DYNC1I1: variants seen among roughly 807,000 people sequenced by gnomAD.
DYNC1I1 encodes the protein cytoplasmic dynein 1 intermediate chain 1.
A neutral mutation model predicts 86.6 loss-of-function variants in DYNC1I1; 43 were observed. That is an observed-to-expected ratio of 0.50 (90% CI 0.39 to 0.64). The LOEUF is 0.64. Ranked by LOEUF, DYNC1I1 falls within the 30% of genes least tolerant of loss-of-function variation. The pLI is 0.00. For missense variants in DYNC1I1, 604 were observed against 788.8 expected, an observed-to-expected ratio of 0.77 and a Z score of 2.81; for synonymous variants, 262 against 283.7, an observed-to-expected ratio of 0.92 and a Z score of 0.77.
intron 7 of DYNC1I1, among the ~76,000 whole-genome samples, chr7:95,978,914 G>A (rs1793381282): frequency 6.6e-6 from 1 of 152,016 alleles, no homozygotes; most frequent in Non-Finnish European, 1.5e-5. Context: ...TCCTGCCTTA[G>A]CATCCCGAGT....
Position 96,045,334 on chromosome 7 carries a change from G to A in DYNC1I1, c.1509+5913G>A, listed in dbSNP as rs1459570633. ...ATGTGTATAGCTGAAGTCTAGTGAG[G>A]GTGGAATTCACTGCAAATGAGGACG... On this transcript the variant is annotated intron_variant, in intron 14 of 16. Coordinates refer to ENST00000447467, the MANE Select transcript of DYNC1I1 (RefSeq NM_001135556.2). Among the ~76,000 whole-genome samples the A allele has an allele frequency of 2.0e-5, 3 of 152,134 alleles. No individual in the cohort carries two copies. The East Asian group carries it at 5.8e-4, about 29-fold the overall frequency.
chr7:96,032,647 C>T lies in DYNC1I1; in HGVS notation c.1117-20C>T, dbSNP rs1392818473. On this transcript the variant is annotated intron_variant, in intron 11 of 16. Transcript: ENST00000447467. Reference sequence around the variant, plus strand: ...TCCTCTTGGATCTGTCTCTGATCCTCTTTGTTTATGTTTTTGCAGCATCCC... The same window carrying T: ...TCCTCTTGGATCTGTCTCTGATCCTTTTTGTTTATGTTTTTGCAGCATCCC... 3 of 1,586,028 alleles carry T rather than the reference C, an allele frequency of 1.9e-6. No individual in the cohort carries two copies. In the South Asian group the frequency reaches 3.3e-5, roughly 18 times the overall value.
intron 5 of DYNC1I1, among the ~76,000 whole-genome samples, chr7:95,869,538 A>G (rs1393775558): frequency 6.6e-6 from 1 of 152,072 alleles, no homozygotes; most frequent in Non-Finnish European, 1.5e-5. Context: ...CTAAGAGACT[A>G]GAATCCTGTA....
rs77440379 is a variant in DYNC1I1, at chr7:95,853,850, A to C, written c.375-16033A>C. ...CATGTCAGGTCCATATACATTTATAAATGTTATGGATATAACAACTGTGGA... is the reference window on the plus strand; with the variant it reads ...CATGTCAGGTCCATATACATTTATACATGTTATGGATATAACAACTGTGGA... On this transcript the variant is annotated intron_variant, in intron 5 of 16. Coordinates refer to ENST00000447467, the MANE Select transcript of DYNC1I1 (RefSeq NM_001135556.2). Among the ~76,000 whole-genome samples the C allele has an allele frequency of 9.7e-4, 147 of 152,308 alleles. 1 individual carries two copies. Among genetic ancestry groups the C allele is most frequent in the Non-Finnish European group, 1.5e-3 (99 of 68,022 alleles).
At chr7:95,965,805 A>G (rs1468892756) in intron 6 of DYNC1I1, among the ~76,000 whole-genome samples, 2 of 152,184 alleles carry the variant, frequency 1.3e-5, no homozygotes, top group Non-Finnish European at 2.9e-5. Context: ...CTGAGGAATC[A>G]ACCCAAAATT....
intron 5 of DYNC1I1, among the ~76,000 whole-genome samples, chr7:95,865,121 C>G (rs2633933): frequency 0.98 from 148,896 of 152,158 alleles, 72,938 homozygotes; most frequent in Middle Eastern, 1. Context: ...TGGGGTCAGG[C>G]ACCACACTTT....
chr7:95,938,509 T>G (rs1015838276), intron 6 of DYNC1I1, among the ~76,000 whole-genome samples: 1 of 152,180 alleles, frequency 6.6e-6, no homozygotes, highest in African/African-American at 2.4e-5. Flanking sequence ...AATCTTTTTA[T>G]TGTAATATCC....
At chr7:96,003,715 G>C (rs527692204) in intron 10 of DYNC1I1, among the ~76,000 whole-genome samples, 30 of 152,100 alleles carry the variant, frequency 2.0e-4, no homozygotes, top group Admixed American at 7.9e-4. Flanking sequence ...GTGGGCTGTA[G>C]TTGCCCCAGG....
chr7:95,893,996 C>T (rs1790810498), intron 6 of DYNC1I1, among the ~76,000 whole-genome samples: 1 of 152,108 alleles, frequency 6.6e-6, no homozygotes, highest in Non-Finnish European at 1.5e-5. Flanking sequence ...CTTTCCCAAA[C>T]AATGAGAATC....
At chr7:95,797,215 G>A (rs1006896681) in intron 1 of DYNC1I1, among the ~76,000 whole-genome samples, 2 of 151,718 alleles carry the variant, frequency 1.3e-5, no homozygotes, top group Non-Finnish European at 2.9e-5. Context: ...CTAAACTAGC[G>A]GCCTTAAAAA....
intron 6 of DYNC1I1, among the ~76,000 whole-genome samples, chr7:95,931,149 C>CT (rs1012263184): frequency 8.9e-4 from 130 of 146,034 alleles, no homozygotes; most frequent in Middle Eastern, 3.6e-3. Flanking sequence ...CTCATGAATA[C>CT]TTTTTTTTTT....
chr7:96,105,540 A>C (rs1254058729), intron 16 of DYNC1I1, among the ~76,000 whole-genome samples: 1 of 152,110 alleles, frequency 6.6e-6, no homozygotes, highest in Non-Finnish European at 1.5e-5. Context: ...TTAACATATC[A>C]CTAGACTTTA....
chr7:96,100,310 T>TCTTCCTCC (rs549971674), downstream of DYNC1I1, among the ~76,000 whole-genome samples: 638 of 152,064 alleles, frequency 4.2e-3, 2 homozygotes, highest in African/African-American at 0.014. Context: ...GACTTTCTTC[T>TCTTCCTCC]CTTCCTCCCT....
intron 16 of DYNC1I1, among the ~76,000 whole-genome samples, chr7:96,106,551 A>G (rs560955701): frequency 3.3e-5 from 5 of 152,284 alleles, no homozygotes; most frequent in South Asian, 2.1e-4. Flanking sequence ...AAAGAAAAAA[A>G]AGAGAGAGAG....
chr7:95,995,570 C>T (rs571439424), intron 9 of DYNC1I1, among the ~76,000 whole-genome samples: 1 of 152,232 alleles, frequency 6.6e-6, no homozygotes, highest in South Asian at 2.1e-4. Context: ...GAGAATAGCC[C>T]TCCTTGGAAT....
At chr7:95,942,675 T>A (rs1792265686) in intron 6 of DYNC1I1, among the ~76,000 whole-genome samples, 2 of 150,544 alleles carry the variant, frequency 1.3e-5, no homozygotes, top group Non-Finnish European at 3.0e-5. Context: ...TTATCCACCA[T>A]GATCAAGTGG....
intron 7 of DYNC1I1, among the ~76,000 whole-genome samples, chr7:95,984,521 C>T (rs566627262): frequency 2.6e-5 from 4 of 151,960 alleles, no homozygotes; most frequent in Non-Finnish European, 5.9e-5. Flanking sequence ...TTAAAAAAAA[C>T]ATTTAGAACT....
chr7:95,867,192 G>A (rs891548858), intron 5 of DYNC1I1, among the ~76,000 whole-genome samples: 1 of 152,026 alleles, frequency 6.6e-6, no homozygotes, highest in African/African-American at 2.4e-5. Context: ...CTTTAATGTA[G>A]GACACTCCTA....
At chr7:96,075,877 A>G (rs1035729911) in intron 14 of DYNC1I1, among the ~76,000 whole-genome samples, 180 bp from the exon 15 acceptor site, 9 of 149,420 alleles carry the variant, frequency 6.0e-5, no homozygotes, top group Admixed American at 2.7e-4. Context: ...TCCCCCCGGT[A>G]TTTATTTATG....
Sources: allele counts gnomAD v4.1 joint callset (sites outside exome capture counted in the v4.1 genomes callset), GRCh38; gene constraint gnomAD v4.1.1; transcripts MANE v1.5; gene names NCBI Gene and HGNC (gene_info 2026-07-23, HGNC 2026-07-21).